The following SLA variants were observed in gnomAD, a reference collection of about 807,000 sequenced individuals.
SLA encodes the protein Src like adaptor, also known as src-like-adapter.
In SLA, 16 loss-of-function variants were observed where a neutral mutation model predicts 30.3. That is an observed-to-expected ratio of 0.53 (90% CI 0.36 to 0.80). SLA has a LOEUF of 0.80. Among genes scored for constraint, SLA ranks in the 30% least tolerant of loss-of-function variants. SLA has a pLI of 0.01. For synonymous variants in SLA, 143 were observed against 137.8 expected (o/e 1.04, Z -0.26); for missense variants, 310 against 345.2 (o/e 0.90, Z 0.81).
chr8:133,050,960 T>C, intron 3 of SLA, 45 bp from the exon 4 acceptor site: 1 of 1,131,452 alleles, frequency 8.8e-7, no homozygotes, highest in Non-Finnish European at 1.3e-6. Flanking sequence ...GTGCTTTTTA[T>C]TCACAAGGAG....
chr8:133,048,577 C>T (rs972395892), intron 5 of SLA: 3 of 156,370 alleles, frequency 1.9e-5, no homozygotes, highest in African/African-American at 7.2e-5. Context: ...GATTGGTAGC[C>T]TCATAGGGTC....
chr8:133,081,516 G>A (rs987331305), intron 1 of SLA, among the ~76,000 whole-genome samples: 6 of 152,118 alleles, frequency 3.9e-5, no homozygotes, highest in Non-Finnish European at 8.8e-5. Context: ...AGCTGGAGTG[G>A]AACCTAAATG....
At chr8:133,096,633 G>A (rs1848458383) in intron 1 of SLA, among the ~76,000 whole-genome samples, 1 of 152,212 alleles carries the variant, frequency 6.6e-6, no homozygotes, top group South Asian at 2.1e-4. Context: ...AAGCTCTGCA[G>A]CTCAGGGCTG....
chr8:133,068,641 T>C (rs1253565809), intron 2 of SLA, among the ~76,000 whole-genome samples: 1 of 152,172 alleles, frequency 6.6e-6, no homozygotes, highest in African/African-American at 2.4e-5. Flanking sequence ...TCTCCGTGGC[T>C]CACCACCACA....
At chr8:133,090,491 A>G (rs1411969827) in intron 1 of SLA, among the ~76,000 whole-genome samples, 1 of 152,226 alleles carries the variant, frequency 6.6e-6, no homozygotes, top group Non-Finnish European at 1.5e-5. Flanking sequence ...TGGCAGCCCC[A>G]CAGCTGCTTT....
chr8:133,050,996 G>A, intron 3 of SLA, 81 bp from the exon 4 acceptor site: 1 of 769,956 alleles, frequency 1.3e-6, no homozygotes, highest in Non-Finnish European at 2.3e-6. Context: ...GGGAGGGAGG[G>A]TATGAAGATG....
At chr8:133,059,014 G>C in intron 3 of SLA, 1 of 461,104 alleles carries the variant, frequency 2.2e-6, no homozygotes, top group Non-Finnish European at 4.3e-6. Flanking sequence ...GAAGCAGTGA[G>C]AAGGCTCCTT....
intron 4 of SLA, 108 bp from the exon 5 acceptor site, chr8:133,050,096 C>T (rs1840126672): frequency 8.8e-6 from 7 of 793,136 alleles, no homozygotes; most frequent in Middle Eastern, 2.2e-4. Flanking sequence ...GAACATTCCT[C>T]TTTTAAGATC....
chr8:133,063,839 T>C (rs1023370966), intron 2 of SLA: 2 of 152,232 alleles, frequency 1.3e-5, no homozygotes, highest in South Asian at 4.1e-4. Context: ...AGGCTTTTAT[T>C]TGAGAAGAGT....
At chr8:133,043,549 TTAA>T (rs1838732788) in intron 7 of SLA, among the ~76,000 whole-genome samples, 1 of 152,214 alleles carries the variant, frequency 6.6e-6, no homozygotes, top group South Asian at 2.1e-4. Context: ...ACGATTGTGT[TTAA>T]TAATCACCTG....
At chr8:133,042,083 G>T (rs888848087) in intron 7 of SLA, among the ~76,000 whole-genome samples, 1 of 151,898 alleles carries the variant, frequency 6.6e-6, no homozygotes, top group African/African-American at 2.4e-5. Context: ...CACCACACCC[G>T]GCTGTCAGTG....
At chr8:133,100,394 T>C (rs1220907320) in intron 1 of SLA, among the ~76,000 whole-genome samples, 1 of 152,338 alleles carries the variant, frequency 6.6e-6, no homozygotes, top group East Asian at 1.9e-4. Flanking sequence ...CCAACTAGAA[T>C]GTTTGAAACT....
At chr8:133,039,873 G>A in intron 8 of SLA, 125 bp downstream of exon 8, 1 of 1,456,336 alleles carries the variant, frequency 6.9e-7, no homozygotes, top group Admixed American at 2.1e-5. Flanking sequence ...TTTCAGCAGG[G>A]CTGGCTGACT....
intron 1 of SLA, chr8:133,096,284 G>A (rs1848399949): frequency 1.2e-6 from 2 of 1,614,108 alleles, no homozygotes; most frequent in Admixed American, 1.7e-5. Context: ...TCCAGCCAGA[G>A]CACTGAAGAG....
intron 2 of SLA, among the ~76,000 whole-genome samples, chr8:133,069,407 A>G (rs189069497): frequency 3.3e-5 from 5 of 152,106 alleles, no homozygotes; most frequent in East Asian, 1.9e-4. Flanking sequence ...AGAACCCCAC[A>G]CTCTACAGCT....
chr8:133,058,052 G>A (rs1050678584), intron 3 of SLA, among the ~76,000 whole-genome samples: 3 of 152,196 alleles, frequency 2.0e-5, no homozygotes, highest in Admixed American at 6.5e-5. Flanking sequence ...TTGTTTGAGG[G>A]TAACCGGATG....
intron 1 of SLA, among the ~76,000 whole-genome samples, chr8:133,080,645 C>G (rs956569980): frequency 1.3e-5 from 2 of 152,188 alleles, no homozygotes; most frequent in African/African-American, 4.8e-5. Flanking sequence ...ATTCAAAGCT[C>G]ATCAATCTGT....
In SLA at chr8:133,040,058, C is replaced by T. The variant is rs1277798136; in HGVS notation, c.557G>A (p.Arg186Lys). The change falls in exon 8 of 9, where the codon AGG becomes AAG. Residue 186 changes from arginine to lysine, a missense_variant. Coordinates refer to ENST00000338087, the MANE Select transcript of SLA (RefSeq NM_001045556.3). ...LTQSTAAPAVRASSSPVTLRQ... is the reference protein window; with the variant it reads ...LTQSTAAPAVKASSSPVTLRQ... Reference sequence around the variant, plus strand: ...CAAGGTGACAGGTGAGCTGGAGGCCCTCACTGCTGGGGCAGCCGTGCTTTG... The same window carrying T: ...CAAGGTGACAGGTGAGCTGGAGGCCTTCACTGCTGGGGCAGCCGTGCTTTG... 6.4e-7 allele frequency: 1 copy of T among 1,554,522 alleles called. No homozygotes were observed.
At chr8:133,040,199 G>C in intron 7 of SLA, 69 bp from the exon 8 acceptor site, 1 of 1,515,494 alleles carries the variant, frequency 6.6e-7, no homozygotes, top group Non-Finnish European at 8.9e-7. Flanking sequence ...GTTCAGGCCT[G>C]AGACACTCTC....
Sources: gnomAD v4.1 joint callset for allele counts (sites outside exome capture counted in the v4.1 genomes callset) on GRCh38, gnomAD v4.1.1 for gene constraint, MANE v1.5 for transcripts, NCBI Gene and HGNC (gene_info 2026-07-23, HGNC 2026-07-21) for gene names.